FGFR2: variants seen among roughly 807,000 people sequenced by gnomAD.
FGFR2 encodes fibroblast growth factor receptor 2, also known as BEK fibroblast growth factor receptor.
FGFR2 carries 19 observed loss-of-function variants against 95.9 expected under a neutral mutation model. The ratio of observed to expected loss-of-function variants is 0.20; its 90% CI spans 0.14 to 0.29. The LOEUF (loss-of-function observed/expected upper bound fraction) is 0.29. Ranked by LOEUF, FGFR2 falls within the 10% of genes least tolerant of loss-of-function variation. The pLI, the probability that FGFR2 is intolerant of heterozygous loss-of-function variation, is 1.00. For missense variants in FGFR2, 707 were observed against 1,056.9 expected (o/e 0.67, Z 4.59); for synonymous variants, 392 against 393.3 (o/e 1.00, Z 0.04).
intron 17 of FGFR2, among the ~76,000 whole-genome samples, chr10:121,481,279 A>G (rs1161318315): frequency 2.6e-5 from 4 of 152,156 alleles, no homozygotes; most frequent in Non-Finnish European, 4.4e-5. Context: ...CAACTATTCT[A>G]TGACATGTGG....
At chr10:121,572,158 G>GAAAA (rs71022844) in intron 2 of FGFR2, among the ~76,000 whole-genome samples, 1 of 105,848 alleles carries the variant, frequency 9.4e-6, no homozygotes, top group Non-Finnish European at 1.9e-5. Flanking sequence ...CACAAAAAAT[G>GAAAA]AAAAAAAAAA....
chr10:121,556,396 A>ACTCTCTCTCTCTCTCTCTCT lies in FGFR2; in HGVS notation c.455-4957_455-4938dup, dbSNP rs35668561. 4.6e-4 allele frequency among the ~76,000 whole-genome samples: 59 copies of ACTCTCTCTCTCTCTCTCTCT among 128,194 alleles called. 1 individual carries two copies. Among genetic ancestry groups the ACTCTCTCTCTCTCTCTCTCT allele is most frequent in the African/African-American group, 1.9e-3 (53 of 28,216 alleles). The allele number at this position is 128,194 out of a possible 152,430, so 84.1% of individuals were successfully genotyped here. A position where few individuals can be genotyped will look rare whatever the true frequency, so the allele number is the denominator to read the frequency against. ...TGCTGACACCTAAGGTTTATAATCT[A>ACTCTCTCTCTCTCTCTCTCT]CTCTCTCTCTCTCTCTCTCTCTCTC... On this transcript the variant is annotated intron_variant, in intron 4 of 17. Coordinates refer to ENST00000358487, the MANE Select transcript of FGFR2 (RefSeq NM_000141.5).
In FGFR2 at chr10:121,565,655, C is replaced by A. The variant is rs1047102; in HGVS notation, c.159G>T (p.Ala53=). The A allele has an allele frequency of 3.1e-6, 5 of 1,614,192 alleles. No individual in the cohort carries two copies. The highest frequency in any genetic ancestry group is 3.4e-6 in the Non-Finnish European group (4 of 1,180,028). Residue 53 remains alanine, a synonymous_variant, in exon 3 of 18, where the codon GCG becomes GCT. Transcript: ENST00000358487. ...AGCGCACCTCTAGCGACTCCCCTGG[C>A]GCAGCCACGTACACTTCTGGTTGAG... ...QISQPEVYVA[A]PGESLEVRCL... is the part of the protein sequence containing the mutation.
intron 17 of FGFR2, among the ~76,000 whole-genome samples, chr10:121,481,499 T>A (rs1226225701): frequency 6.6e-6 from 1 of 152,136 alleles, no homozygotes; most frequent in East Asian, 1.9e-4. Context: ...AATGTATCAG[T>A]TCCAACAACA....
At chr10:121,553,321 T>C (rs1855667088) in intron 4 of FGFR2, among the ~76,000 whole-genome samples, 1 of 152,202 alleles carries the variant, frequency 6.6e-6, no homozygotes, top group African/African-American at 2.4e-5. Flanking sequence ...ATTTGCAACC[T>C]GGGTAGACAT....
At chr10:121,512,765 A>G (rs1365381692) in intron 9 of FGFR2, among the ~76,000 whole-genome samples, 1 of 152,194 alleles carries the variant, frequency 6.6e-6, no homozygotes, top group Non-Finnish European at 1.5e-5. Context: ...TTAGTAAATT[A>G]TGATGAATAA....
intron 10 of FGFR2, among the ~76,000 whole-genome samples, chr10:121,501,286 T>G (rs1847572289): frequency 6.6e-6 from 1 of 152,168 alleles, no homozygotes; most frequent in Non-Finnish European, 1.5e-5. Context: ...TAATTTAGAA[T>G]GGCTCAAAGA....
rs954917585 is a variant in FGFR2, at chr10:121,479,973, G to C, written c.2350C>G (p.Pro784Ala). 1 of 1,614,160 alleles carries C rather than the reference G, an allele frequency of 6.2e-7. No individual in the cohort carries two copies. Among genetic ancestry groups the C allele is most frequent in the Non-Finnish European group, 8.5e-7 (1 of 1,180,038 alleles). ...QPLEQYSPSY[P>A]DTRSSCSSGD... is the part of the protein sequence containing the mutation. ...GAAGAACAAGAACTTCTTGTGTCAG[G>C]GTAACTAGGTGAATACTGTTCGAGA... The change falls in exon 18 of 18, where the codon CCT becomes GCT. Residue 784 changes from proline (P) to alanine (A), a missense_variant. By Grantham distance (27) the Pro-to-Ala change is conservative. Transcript: ENST00000358487.
chr10:121,538,476 A>G, intron 6 of FGFR2, 116 bp downstream of exon 6: 5 of 1,406,964 alleles, frequency 3.6e-6, no homozygotes, highest in Non-Finnish European at 5.0e-6. Flanking sequence ...AAGAATAAGA[A>G]TGAACCAATT....
At chr10:121,486,300 A>G (rs1286716808) in intron 15 of FGFR2, among the ~76,000 whole-genome samples, 1 of 152,222 alleles carries the variant, frequency 6.6e-6, no homozygotes, top group Non-Finnish European at 1.5e-5. Context: ...GGACAGGCAG[A>G]ACAGCCTCTG....
At chr10:121,586,729 A>G (rs1379512962) in intron 2 of FGFR2, among the ~76,000 whole-genome samples, 2 of 152,226 alleles carry the variant, frequency 1.3e-5, no homozygotes, top group Non-Finnish European at 2.9e-5. Context: ...GTGTATAAAT[A>G]TTTAAATGGT....
rs1849945666 is a variant in FGFR2 at position 121,518,119 on chromosome 10, A to G, written c.940-656T>C. 2 of 442,196 alleles carry G rather than the reference A, an allele frequency of 4.5e-6. No homozygotes were observed. The allele number at this position is 442,196 out of a possible 1,614,324, so 27.4% of individuals were successfully genotyped here. A position where few individuals can be genotyped will look rare whatever the true frequency, so the allele number is the denominator to read the frequency against. The stretch of plus-strand genomic sequence containing the variant: ...TTTGGATGTGAGTCATGACAAACCT[A>G]AAAAGTCAACCTTTTGCCTTTAGTA... On this transcript the variant is annotated intron_variant, in intron 7 of 17. Coordinates refer to ENST00000358487, the MANE Select transcript of FGFR2 (RefSeq NM_000141.5). The surrounding 1 kb of genome is among the most constrained non-coding windows in gnomAD (Gnocchi z 4.0).
At chr10:121,572,392 G>A (rs149172774) in intron 2 of FGFR2, among the ~76,000 whole-genome samples, 319 of 152,220 alleles carry the variant, frequency 2.1e-3, no homozygotes, top group African/African-American at 7.2e-3. Context: ...AGACCAAAGC[G>A]AGTGGATCAC....
chr10:121,571,642 ACAAAC>A (rs1445391085), intron 2 of FGFR2, among the ~76,000 whole-genome samples: 11 of 143,308 alleles, frequency 7.7e-5, no homozygotes, highest in African/African-American at 1.8e-4. Context: ...AAACAAACAA[ACAAAC>A]AAACAAAAAC....
intron 2 of FGFR2, among the ~76,000 whole-genome samples, chr10:121,588,450 T>C (rs985652815): frequency 1.3e-5 from 2 of 151,716 alleles, no homozygotes; most frequent in Non-Finnish European, 2.9e-5. Flanking sequence ...TTGACCAAAC[T>C]ACACTAAGAA....
At chr10:121,571,214 C>A (rs902953401) in intron 2 of FGFR2, among the ~76,000 whole-genome samples, 7 of 147,622 alleles carry the variant, frequency 4.7e-5, no homozygotes, top group Non-Finnish European at 8.9e-5. Flanking sequence ...CCAGGATGAT[C>A]TTGATCTCCT....
chr10:121,511,579 C>T (rs1192493223), intron 9 of FGFR2, among the ~76,000 whole-genome samples: 1 of 152,196 alleles, frequency 6.6e-6, no homozygotes, highest in Non-Finnish European at 1.5e-5. Flanking sequence ...CACAAAGATG[C>T]CCCTCTCTGG....
chr10:121,484,453 G>A (rs1252622018), intron 16 of FGFR2, among the ~76,000 whole-genome samples: 1 of 152,086 alleles, frequency 6.6e-6, no homozygotes. Flanking sequence ...ATGACAAAGA[G>A]CACAATAAAT....
intron 2 of FGFR2, among the ~76,000 whole-genome samples, chr10:121,569,985 G>A (rs1316207191): frequency 6.6e-6 from 1 of 152,244 alleles, no homozygotes; most frequent in African/African-American, 2.4e-5. Flanking sequence ...GAGGATGTAA[G>A]TAAGAAGAGA....
Sources: allele counts gnomAD v4.1 joint callset (sites outside exome capture counted in the v4.1 genomes callset), GRCh38; gene constraint gnomAD v4.1.1; non-coding constraint Gnocchi (gnomAD v3.1); transcripts MANE v1.5; gene names NCBI Gene and HGNC (gene_info 2026-07-23, HGNC 2026-07-21).